MKI67: variants seen among roughly 807,000 people sequenced by gnomAD.
The protein encoded by MKI67 is proliferation marker protein Ki-67.
A neutral mutation model predicts 233.5 loss-of-function variants in MKI67; 152 were observed. That is an observed-to-expected ratio of 0.65 (90% CI 0.57 to 0.74). The LOEUF is 0.74. Among genes scored for constraint, MKI67 ranks in the 30% least tolerant of loss-of-function variants. MKI67 has a pLI of 0.00. For missense variants in MKI67, 3,940 were observed against 3,885.2 expected, an observed-to-expected ratio of 1.01 and a Z score of -0.37; for synonymous variants, 1,465 against 1,418.5, an observed-to-expected ratio of 1.03 and a Z score of -0.74.
In MKI67 at chr10:128,108,703, C is replaced by A; in HGVS notation, c.3137G>T (p.Arg1046Leu). ...EELLAVGKFTRTSGETTHTHR... is the reference protein window; with the variant it reads ...EELLAVGKFTLTSGETTHTHR... ...CGTGTGCGTGGTCTCCCCTGACGTCCGTGTGAACTTGCCGACTGCTAGGAG... is the reference window on the plus strand; with the variant it reads ...CGTGTGCGTGGTCTCCCCTGACGTCAGTGTGAACTTGCCGACTGCTAGGAG... Residue 1046 changes from arginine (R) to leucine (L), a missense_variant, in exon 13 of 15, where the codon CGG (arginine) becomes CTG (leucine). Physicochemically the swap from Arg to Leu is moderately radical, Grantham distance 102. Transcript: ENST00000368654. 1 of 1,614,196 alleles carries A rather than the reference C, an allele frequency of 6.2e-7. No individual in the cohort carries two copies. Among genetic ancestry groups the A allele is most frequent in the East Asian group, 2.2e-5 (1 of 44,868 alleles).
intron 12 of MKI67, among the ~76,000 whole-genome samples, chr10:128,109,722 C>T (rs894031026): frequency 5.3e-5 from 8 of 152,130 alleles, no homozygotes; most frequent in African/African-American, 9.7e-5. Context: ...GTGTCATTGA[C>T]GTAAATATAG....
rs771245698 is a variant in MKI67, at chr10:128,105,229, G to C, written c.6611C>G (p.Pro2204Arg). Reference protein sequence around the residue: ...LAGLKELFQTPICTDKPTTHE... With the variant: ...LAGLKELFQTRICTDKPTTHE... ...AGTCGTGGGCTTGTCAGTGCATATT[G>C]GTGTCTGGAAGAGCTCTTTCAAGCC... Residue 2204 changes from proline (P) to arginine (R), a missense_variant, in exon 13 of 15, where the codon CCA becomes CGA. Physicochemically the swap from Pro to Arg is moderately radical, Grantham distance 103. Coordinates refer to ENST00000368654, the MANE Select transcript of MKI67 (RefSeq NM_002417.5). The C allele has an allele frequency of 5.6e-6, 9 of 1,613,974 alleles. No homozygotes were observed. The African/African-American group carries it at 1.2e-4, about 22-fold the overall frequency.
rs375813062 is a variant in MKI67, at chr10:128,101,317, T to C, written c.9646A>G (p.Ser3216Gly). ...CGCGTTACTCTCTGCACAGATTTGC[T>C]CTCCAAAGTGCTTGCTGCAGGCTGG... ...KSQPAASTLE[S>G]KSVQRVTRSV... Residue 3216 changes from serine (S) to glycine (G), a missense_variant, in exon 14 of 15, where the codon AGC becomes GGC. By Grantham distance (56) the Ser-to-Gly change is moderately conservative (BLOSUM62 0). Coordinates refer to ENST00000368654, the MANE Select transcript of MKI67 (RefSeq NM_002417.5). 1 of 1,614,222 alleles carries C rather than the reference T, an allele frequency of 6.2e-7. No homozygotes were observed. Among genetic ancestry groups the C allele is most frequent in the East Asian group, 2.2e-5 (1 of 44,888 alleles).
rs753656752 is a variant in MKI67 at position 128,105,465 on chromosome 10, C to T, written c.6375G>A (p.Leu2125=). The T allele has an allele frequency of 5.6e-6, 9 of 1,613,898 alleles. No homozygotes were observed. In the South Asian group the frequency reaches 9.9e-5, roughly 18 times the overall value. The change falls in exon 13 of 15, where the codon TTG becomes TTA. Residue 2125 remains leucine, a synonymous_variant. Coordinates refer to ENST00000368654, the MANE Select transcript of MKI67 (RefSeq NM_002417.5). ...GCTCTTCCACTATATCCCTTTTCCC[C>T]AAAGGTGTTTTGGGCCGCCTCCTTG... ...TSTRRRPKTP[L]GKRDIVEELS...
At position 128,112,457 on chromosome 10, in the gene MKI67, A is replaced by G. The variant is rs752370093; in HGVS notation, c.1657-12T>C. 3 of 1,611,462 alleles carry G rather than the reference A, an allele frequency of 1.9e-6. No individual in the cohort carries two copies. Among genetic ancestry groups the G allele is most frequent in the South Asian group, 1.1e-5 (1 of 91,006 alleles). On this transcript the variant is annotated splice_polypyrimidine_tract_variant and intron_variant, in intron 8 of 14. Coordinates refer to ENST00000368654, the MANE Select transcript of MKI67 (RefSeq NM_002417.5). ...GGTTGAGGCTGTTCCTGACAAGACA[A>G]AATTGTTTACAAGAAGCCTTAACAA... is the stretch of plus-strand genomic sequence containing the variant.
rs199755571 is a variant in MKI67 at position 128,107,018 on chromosome 10, C to A, written c.4822G>T (p.Asp1608Tyr). The A allele has an allele frequency of 1.2e-6, 2 of 1,613,970 alleles. No homozygotes were observed. The highest frequency in any genetic ancestry group is 1.7e-6 in the Non-Finnish European group (2 of 1,180,012). ...TTGCAGGCTACTTTGGCAGTTTTAT[C>A]GTTAGTCATTGATTCCTCAGTGTGA... ...RGHTEESMTN[D>Y]KTAKVACKSS... The change falls in exon 13 of 15, where the codon GAT becomes TAT. Residue 1608 changes from aspartate (D) to tyrosine (Y), a missense_variant. By Grantham distance (160) the Asp-to-Tyr change is radical. Coordinates refer to ENST00000368654, the MANE Select transcript of MKI67 (RefSeq NM_002417.5).
At position 128,097,958 on chromosome 10, in the gene MKI67, A is replaced by G. The variant is rs1286268725; in HGVS notation, c.*1232T>C. 1 of 152,270 alleles carries G rather than the reference A, an allele frequency of 6.6e-6. No homozygotes were observed. The highest frequency in any genetic ancestry group is 2.4e-5 in the African/African-American group (1 of 41,430). 9.4% of individuals were successfully genotyped at this position (152,270 alleles called of 1,614,324 possible). A position where few individuals can be genotyped will look rare whatever the true frequency, so the allele number is the denominator to read the frequency against. ...TCCCCGCCAGACACTGGGGAAACAA[A>G]CGTGGAGACAGGGCACTGCCCGCAC... On this transcript the variant is annotated 3_prime_UTR_variant, in exon 15 of 15. Transcript: ENST00000368654.
intron 5 of MKI67, among the ~76,000 whole-genome samples, chr10:128,118,724 A>G (rs1852861050): frequency 6.6e-6 from 1 of 152,248 alleles, no homozygotes; most frequent in South Asian, 2.1e-4. Flanking sequence ...GTACAATTGG[A>G]ATACCTGTTC....
Position 128,125,822 on chromosome 10 carries a change from C to A in MKI67, c.-89-66G>T, listed in dbSNP as rs1031336567. 1.7e-5 allele frequency: 12 copies of A among 692,414 alleles called. No homozygotes were observed. The African/African-American group carries it at 2.0e-4, about 11-fold the overall frequency. 42.9% of individuals were successfully genotyped at this position (692,414 alleles called of 1,614,324 possible). On this transcript the variant is annotated intron_variant, in intron 1 of 14. Transcript: ENST00000368654. The surrounding 1 kb of genome is among the most constrained non-coding windows in gnomAD (Gnocchi z 5.3). ...AAGAAGGGCCCCGTGCCCAATTCAC[C>A]TATCCCCGGCCACAGAAGCGCACAC...
intron 11 of MKI67, 103 bp downstream of exon 11, chr10:128,111,542 T>A: frequency 4.0e-6 from 4 of 994,564 alleles, no homozygotes; most frequent in Non-Finnish European, 5.8e-6. Context: ...GTTTATTTTA[T>A]AATCTCTTTC....
intron 13 of MKI67, 82 bp downstream of exon 13, chr10:128,102,497 G>T (rs1269167924): frequency 3.3e-6 from 5 of 1,504,512 alleles, no homozygotes; most frequent in Non-Finnish European, 3.6e-6. Context: ...CACTTATAAC[G>T]TCAGGTTACA....
chr10:128,103,339 G>C lies in MKI67; in HGVS notation c.8501C>G (p.Thr2834Ser). The change falls in exon 13 of 15, where the codon ACC becomes AGC. Residue 2834 changes from threonine (T) to serine (S), a missense_variant. Coordinates refer to ENST00000368654, the MANE Select transcript of MKI67 (RefSeq NM_002417.5). ...GGGCCGTCTCTTTGAGCTTGTTGCGGTGTCTTCTAGTTCTGGTGATGATTT... is the reference window on the plus strand; with the variant it reads ...GGGCCGTCTCTTTGAGCTTGTTGCGCTGTCTTCTAGTTCTGGTGATGATTT... ...PCKSSPELED[T>S]ATSSKRRPRT... 1 of 1,614,084 alleles carries C rather than the reference G, an allele frequency of 6.2e-7. No homozygotes were observed. The highest frequency in any genetic ancestry group is 8.5e-7 in the Non-Finnish European group (1 of 1,180,022).
rs760411491 is a variant in MKI67 at position 128,106,271 on chromosome 10, T to C, written c.5569A>G (p.Ile1857Val). The C allele has an allele frequency of 2.5e-6, 4 of 1,613,502 alleles. No individual in the cohort carries two copies. The Admixed American group carries it at 6.7e-5, about 27-fold the overall frequency. Residue 1857 changes from isoleucine to valine, a missense_variant, in exon 13 of 15, where the codon ATA (isoleucine) becomes GTA (valine). By Grantham distance (29) the Ile-to-Val change is conservative (BLOSUM62 3). Coordinates refer to ENST00000368654, the MANE Select transcript of MKI67 (RefSeq NM_002417.5). Reference protein sequence around the residue: ...PTTDEKTTKKILCKSPQSDPA... With the variant: ...PTTDEKTTKKVLCKSPQSDPA... ...TCTGATTGCGGAGATTTGCAGAGTATTTTTTTGGTAGTTTTCTCATCAGTC... is the reference window on the plus strand; with the variant it reads ...TCTGATTGCGGAGATTTGCAGAGTACTTTTTTGGTAGTTTTCTCATCAGTC...
At chr10:128,120,200 C>T (rs1019032800) in intron 4 of MKI67, among the ~76,000 whole-genome samples, 2 of 152,096 alleles carry the variant, frequency 1.3e-5, no homozygotes, top group Non-Finnish European at 2.9e-5. Flanking sequence ...CAAAAGCTTC[C>T]TACCTATAGG....
intron 12 of MKI67, 31 bp downstream of exon 12, chr10:128,110,347 C>T (rs747339454): frequency 7.3e-6 from 11 of 1,505,406 alleles, no homozygotes; most frequent in Admixed American, 5.5e-5. Flanking sequence ...TATCCCAAAA[C>T]ATCACAGTGT....
rs373937157 is a variant in MKI67, at chr10:128,106,072, G to T, written c.5768C>A (p.Thr1923Asn). ...TAGCAGGTCCAGTTTCTCCACTGGA[G>T]TCCCCACAAATGTGTTGATGTCTTT... ...EEKDINTFVG[T>N]PVEKLDLLGN... is the part of the protein sequence containing the mutation. Residue 1923 changes from threonine (T) to asparagine (N), a missense_variant, in exon 13 of 15, where the codon ACT becomes AAT. Coordinates refer to ENST00000368654, the MANE Select transcript of MKI67 (RefSeq NM_002417.5). 6.2e-7 allele frequency: 1 copy of T among 1,613,894 alleles called. No individual in the cohort carries two copies. Among genetic ancestry groups the T allele is most frequent in the South Asian group, 1.1e-5 (1 of 91,072 alleles).
chr10:128,105,345 T>C lies in MKI67; in HGVS notation c.6495A>G (p.Lys2165=), dbSNP rs1238895902. Reference sequence around the variant, plus strand: ...CACTTGCTGCTGGGTCCAGTTTCTGTTTTGCAGTTTCCCTGAACACGTTGA... The same window carrying C: ...CACTTGCTGCTGGGTCCAGTTTCTGCTTTGCAGTTTCCCTGAACACGTTGA... The part of the protein sequence containing the change: ...KGINVFRETA[K]QKLDPAASVT... The change falls in exon 13 of 15, where the codon AAA becomes AAG. Residue 2165 remains lysine, a synonymous_variant. Coordinates refer to ENST00000368654, the MANE Select transcript of MKI67 (RefSeq NM_002417.5). The C allele has an allele frequency of 2.5e-6, 4 of 1,613,866 alleles. No individual in the cohort carries two copies. The highest frequency in any genetic ancestry group is 3.3e-5 in the Admixed American group (2 of 60,010).
Position 128,102,951 on chromosome 10 carries a change from A to T in MKI67, c.8889T>A (p.Leu2963=). 6.2e-7 allele frequency: 1 copy of T among 1,614,220 alleles called. No homozygotes were observed. Among genetic ancestry groups the T allele is most frequent in the African/African-American group, 1.3e-5 (1 of 75,052 alleles). Residue 2963 remains leucine (L), a synonymous_variant, in exon 13 of 15, where the codon CTT becomes CTA. Coordinates refer to ENST00000368654, the MANE Select transcript of MKI67 (RefSeq NM_002417.5). ...CCACGGGTTCTACTTTAGGGGCCCG[A>T]AGAACTCTTCTGGATATTTTTAGAG... ...GKPLKISRRV[L]RAPKVEPVGD...
At position 128,104,288 on chromosome 10, in the gene MKI67, C is replaced by A. The variant is rs1852419606; in HGVS notation, c.7552G>T (p.Asp2518Tyr). 2 of 1,614,178 alleles carry A rather than the reference C, an allele frequency of 1.2e-6. No individual in the cohort carries two copies. The highest frequency in any genetic ancestry group is 1.7e-5 in the Admixed American group (1 of 60,030). The change falls in exon 13 of 15, where the codon GAT becomes TAT. Residue 2518 changes from aspartate (D) to tyrosine (Y), a missense_variant. Coordinates refer to ENST00000368654, the MANE Select transcript of MKI67 (RefSeq NM_002417.5). ...TTQTHTEPTG[D>Y]SKSIKAFKES... ...TTAAACGCTTTGATGCTCTTACTATCTCCTGTTGGCTCTGTGTGTGTTTGC... is the reference window on the plus strand; with the variant it reads ...TTAAACGCTTTGATGCTCTTACTATATCCTGTTGGCTCTGTGTGTGTTTGC...
Sources: gnomAD v4.1 joint callset for allele counts (sites outside exome capture counted in the v4.1 genomes callset) on GRCh38, gnomAD v4.1.1 for gene constraint, Gnocchi (gnomAD v3.1) non-coding constraint, MANE v1.5 for transcripts, NCBI Gene and HGNC (gene_info 2026-07-23, HGNC 2026-07-21) for gene names.